Variants in MRPS22 observed in about 807,000 individuals in gnomAD.
MRPS22 encodes the protein small ribosomal subunit protein mS22.
Under a neutral mutation model 44.0 loss-of-function variants are expected in MRPS22, and 30 were observed. That is an observed-to-expected ratio of 0.68 (90% CI 0.51 to 0.93). The LOEUF is 0.93. Ranked by LOEUF, MRPS22 falls within the 40% of genes least tolerant of loss-of-function variation. The pLI is 0.00. For missense variants in MRPS22, 447 were observed against 447.8 expected, an observed-to-expected ratio of 1.00 and a Z score of 0.02; for synonymous variants, 165 against 154.4, an observed-to-expected ratio of 1.07 and a Z score of -0.51.
chr3:139,348,412 G>C, intron 3 of MRPS22, 88 bp downstream of exon 3: 2 of 1,367,092 alleles, frequency 1.5e-6, no homozygotes, highest in Non-Finnish European at 2.1e-6. Flanking sequence ...GGCTGTCTCT[G>C]ATGCGTCCAA....
chr3:139,356,235 T>C (rs1471434919), intron 7 of MRPS22, among the ~76,000 whole-genome samples: 1 of 152,214 alleles, frequency 6.6e-6, no homozygotes, highest in Non-Finnish European at 1.5e-5. Context: ...GTGTGATGCT[T>C]GTATATCATC....
At chr3:139,347,825 A>G (rs1941070211) in intron 2 of MRPS22, among the ~76,000 whole-genome samples, 1 of 152,256 alleles carries the variant, frequency 6.6e-6, no homozygotes. Context: ...AGCCAAATAC[A>G]TTTAGACTGT....
intron 3 of MRPS22, chr3:139,349,172 AAT>A (rs1941101947): frequency 2.9e-6 from 1 of 348,122 alleles, no homozygotes; most frequent in Non-Finnish European, 5.6e-6. Context: ...GTGATGCTTT[AAT>A]ATATGTTTGC....
Position 139,350,086 on chromosome 3 carries a change from A to C in MRPS22, c.505-93A>C, listed in dbSNP as rs1941116428. 7 of 1,446,534 alleles carry C rather than the reference A, an allele frequency of 4.8e-6. No individual in the cohort carries two copies. The South Asian group carries it at 7.0e-5, about 14-fold the overall frequency. The allele number at this position is 1,446,534 out of a possible 1,614,324, so 89.6% of individuals were successfully genotyped here. A position where few individuals can be genotyped will look rare whatever the true frequency, so the allele number is the denominator to read the frequency against. ...TGCATGATTGCATTTTATATTGTTG[A>C]TTGCAAATTATTCTTATAATGGCCT... On this transcript the variant is annotated intron_variant, in intron 3 of 7. Transcript: ENST00000680020.
chr3:139,350,481 G>A (rs1941125418), intron 4 of MRPS22, 159 bp downstream of exon 4: 1 of 755,382 alleles, frequency 1.3e-6, no homozygotes, highest in South Asian at 1.7e-5. Context: ...AGGCTGAAGT[G>A]CAGTGGCGGG....
intron 7 of MRPS22, 102 bp from the exon 8 acceptor site, chr3:139,356,817 A>T: frequency 1.3e-6 from 1 of 789,066 alleles, no homozygotes; most frequent in Non-Finnish European, 2.1e-6. Flanking sequence ...TTTAAGTAGG[A>T]CTCTTTGCTA....
chr3:139,347,932 C>T (rs747081304), intron 2 of MRPS22, among the ~76,000 whole-genome samples: 2 of 152,148 alleles, frequency 1.3e-5, no homozygotes, highest in South Asian at 4.1e-4. Context: ...CAGAGCATGC[C>T]TTTGTGGTTT....
intron 6 of MRPS22, among the ~76,000 whole-genome samples, chr3:139,353,716 C>T (rs1332061149): frequency 6.6e-6 from 1 of 152,148 alleles, no homozygotes; most frequent in Non-Finnish European, 1.5e-5. Flanking sequence ...CCAGGCTAGC[C>T]CATTTCACCA....
chr3:139,346,800 G>A, intron 1 of MRPS22, 78 bp from the exon 2 acceptor site: 2 of 1,487,258 alleles, frequency 1.3e-6, no homozygotes, highest in Non-Finnish European at 1.9e-6. Context: ...GCTTTTTATT[G>A]TTAACTGACT....
chr3:139,352,679 A>G lies in MRPS22; in HGVS notation c.765A>G (p.Lys255=). 1 of 1,613,628 alleles carries G rather than the reference A, an allele frequency of 6.2e-7. No individual in the cohort carries two copies. Among genetic ancestry groups the G allele is most frequent in the African/African-American group, 1.3e-5 (1 of 75,032 alleles). Residue 255 remains lysine (K), a synonymous_variant, in exon 6 of 8, where the codon AAA becomes AAG. Coordinates refer to ENST00000680020, the MANE Select transcript of MRPS22 (RefSeq NM_020191.4). ...ACAAGACCTATGAAGATATAGATAA[A>G]CGTGGAAAATATGACCTTTTACGTT... is the stretch of plus-strand genomic sequence containing the variant. The part of the protein sequence containing the change: ...VHHKTYEDID[K]RGKYDLLRST...
intron 3 of MRPS22, 143 bp from the exon 4 acceptor site, chr3:139,350,036 G>A: frequency 1.1e-6 from 1 of 944,122 alleles, no homozygotes; most frequent in Non-Finnish European, 1.6e-6. Context: ...AGTCTTTGAG[G>A]TTTAAAATTA....
At chr3:139,356,104 T>G (rs1371135798) in intron 7 of MRPS22, among the ~76,000 whole-genome samples, 2 of 152,110 alleles carry the variant, frequency 1.3e-5, no homozygotes, top group African/African-American at 2.4e-5. Context: ...GCATCTGAGG[T>G]GTTCAAGCCA....
intron 6 of MRPS22, among the ~76,000 whole-genome samples, chr3:139,353,062 A>G (rs532117008): frequency 3.3e-5 from 5 of 152,298 alleles, no homozygotes; most frequent in East Asian, 1.9e-4. Context: ...GAGCTCACCA[A>G]TGCTCCTGGG....
Position 139,352,658 on chromosome 3 carries a change from G to A in MRPS22, c.744G>A (p.Lys248=). The A allele has an allele frequency of 6.2e-7, 1 of 1,613,058 alleles. No homozygotes were observed. The highest frequency in any genetic ancestry group is 8.5e-7 in the Non-Finnish European group (1 of 1,179,218). The change falls in exon 6 of 8, where the codon AAG becomes AAA. Residue 248 remains lysine, a synonymous_variant. Coordinates refer to ENST00000680020, the MANE Select transcript of MRPS22 (RefSeq NM_020191.4). ...DSTEYIKVHH[K]TYEDIDKRGK... Reference sequence around the variant, plus strand: ...TTTTATGTGGATAGGTTCATCACAAGACCTATGAAGATATAGATAAACGTG... The same window carrying A: ...TTTTATGTGGATAGGTTCATCACAAAACCTATGAAGATATAGATAAACGTG...
chr3:139,348,594 C>A, intron 3 of MRPS22: 1 of 401,078 alleles, frequency 2.5e-6, no homozygotes. Flanking sequence ...CAGATACAGA[C>A]AGAAACCCAT....
intron 1 of MRPS22, among the ~76,000 whole-genome samples, chr3:139,345,341 G>A (rs985914020): frequency 4.6e-5 from 7 of 151,956 alleles, no homozygotes; most frequent in African/African-American, 1.7e-4. Context: ...TGATGCAAGA[G>A]ATGAGGATAG....
intron 5 of MRPS22, chr3:139,351,689 T>C (rs1341001177): frequency 6.3e-6 from 1 of 157,920 alleles, no homozygotes; most frequent in African/African-American, 2.4e-5. Context: ...CAGGTGGAGC[T>C]GGGTGAGGTG....
At chr3:139,348,711 G>GT (rs1247559037) in intron 3 of MRPS22, among the ~76,000 whole-genome samples, 15 of 152,176 alleles carry the variant, frequency 9.9e-5, no homozygotes, top group African/African-American at 3.6e-4. Context: ...AAGATAGAAT[G>GT]TTTCTGTCTT....
At chr3:139,346,247 T>A (rs1346506301) in intron 1 of MRPS22, among the ~76,000 whole-genome samples, 1 of 152,168 alleles carries the variant, frequency 6.6e-6, no homozygotes. Context: ...CTTGGGACGC[T>A]TTCTTTGACC....
Sources: allele counts gnomAD v4.1 joint callset (sites outside exome capture counted in the v4.1 genomes callset), GRCh38; gene constraint gnomAD v4.1.1; transcripts MANE v1.5; gene names NCBI Gene and HGNC (gene_info 2026-07-23, HGNC 2026-07-21).